The following DNAAF4 variants were observed in gnomAD, a reference collection of about 807,000 sequenced individuals.
DNAAF4 encodes dynein axonemal assembly factor 4, also known as dynein assembly factor 4, axonemal.
A neutral mutation model predicts 51.8 loss-of-function variants in DNAAF4; 43 were observed. The ratio of observed to expected loss-of-function variants is 0.83; its 90% CI spans 0.65 to 1.07. DNAAF4 has a LOEUF of 1.07. Ranked by LOEUF, DNAAF4 falls within the 50% of genes least tolerant of loss-of-function variation. The probability of loss-of-function intolerance (pLI) is 0.00; values close to 1 mark genes in which losing one functional copy is unlikely to be tolerated. For missense variants in DNAAF4, 581 were observed against 493.0 expected, an observed-to-expected ratio of 1.18 and a Z score of -1.69; for synonymous variants, 194 against 165.6, an observed-to-expected ratio of 1.17 and a Z score of -1.32.
At chr15:55,485,183 G>A (rs181948641) in intron 4 of DNAAF4, among the ~76,000 whole-genome samples, 60 of 152,228 alleles carry the variant, frequency 3.9e-4, no homozygotes, top group African/African-American at 1.4e-3. Context: ...CTCTAAGAAC[G>A]GGTTTATGGA....
rs762617036 is a variant in DNAAF4, at chr15:55,498,265, G to C, written c.65C>G (p.Pro22Arg). Residue 22 changes from proline to arginine, a missense_variant, in exon 2 of 10, where the codon CCC (proline) becomes CGC (arginine). Pro to Arg is a moderately radical substitution (Grantham distance 103). Coordinates refer to ENST00000321149, the MANE Select transcript of DNAAF4 (RefSeq NM_130810.4). ...GTCTCTGACGCACACGCCTTTGAGG[G>C]GCAGAGACAGAAAGACCGCAGTCTT... is the stretch of plus-strand genomic sequence containing the variant. Reference protein sequence around the residue: ...QTKTAVFLSLPLKGVCVRDTD... With the variant: ...QTKTAVFLSLRLKGVCVRDTD... The C allele has an allele frequency of 6.2e-7, 1 of 1,613,616 alleles. No individual in the cohort carries two copies. The highest frequency in any genetic ancestry group is 1.7e-5 in the Admixed American group (1 of 59,950).
chr15:55,503,521 C>T (rs976146185), intron 1 of DNAAF4, among the ~76,000 whole-genome samples: 1 of 152,066 alleles, frequency 6.6e-6, no homozygotes, highest in African/African-American at 2.4e-5. Flanking sequence ...TGCAAAAATC[C>T]TCAATAAAAT....
chr15:55,490,965 A>C (rs1161564168), intron 4 of DNAAF4, 158 bp downstream of exon 4: 7 of 795,034 alleles, frequency 8.8e-6, no homozygotes, highest in African/African-American at 3.5e-5. Flanking sequence ...AGAAAAAAAA[A>C]AACACACATA....
At chr15:55,480,085 G>C (rs1225279155) in intron 4 of DNAAF4, among the ~76,000 whole-genome samples, 1 of 151,944 alleles carries the variant, frequency 6.6e-6, no homozygotes, top group Non-Finnish European at 1.5e-5. Flanking sequence ...TAGTAGTTCT[G>C]CTTGTTGCCC....
intron 7 of DNAAF4, among the ~76,000 whole-genome samples, chr15:55,437,017 T>C (rs2057623528): frequency 1.3e-5 from 2 of 150,694 alleles, no homozygotes; most frequent in Non-Finnish European, 3.0e-5. Context: ...ACAGGGTTTC[T>C]CCTTGCTGTT....
intron 5 of DNAAF4, among the ~76,000 whole-genome samples, chr15:55,459,857 C>T (rs1434455548): frequency 6.6e-6 from 1 of 152,038 alleles, no homozygotes; most frequent in Admixed American, 6.6e-5. Flanking sequence ...GCACGCGCCA[C>T]CACGCCTGGC....
chr15:55,500,781 T>C (rs939654312), intron 1 of DNAAF4, among the ~76,000 whole-genome samples: 2 of 151,842 alleles, frequency 1.3e-5, no homozygotes, highest in Non-Finnish European at 2.9e-5. Flanking sequence ...TCACCTGAGG[T>C]TGGGAGTTCA....
chr15:55,498,283 G>A lies in DNAAF4; in HGVS notation c.47C>T (p.Ala16Val), dbSNP rs758416540. The change falls in exon 2 of 10, where the codon GCG (alanine) becomes GTG (valine). Residue 16 changes from alanine (A) to valine (V), a missense_variant. Transcript: ENST00000321149. ...SDYSWQQTKT[A>V]VFLSLPLKGV... ...TTTGAGGGGCAGAGACAGAAAGACC[G>A]CAGTCTTCGTCTGCTGCCAGCTGTA... 1.9e-6 allele frequency: 3 copies of A among 1,613,324 alleles called. No individual in the cohort carries two copies. Among genetic ancestry groups the A allele is most frequent in the East Asian group, 2.2e-5 (1 of 44,806 alleles).
In DNAAF4 at chr15:55,450,304, G is replaced by A; in HGVS notation, c.701C>T (p.Ser234Phe). The change falls in exon 6 of 10, where the codon TCT becomes TTT. Residue 234 changes from serine (S) to phenylalanine (F), a missense_variant. Coordinates refer to ENST00000321149, the MANE Select transcript of DNAAF4 (RefSeq NM_130810.4). ...LKEDSIPAPR[S>F]VGSIKINFTP... ...AAAGTTGATTTTAATACTGCCAACA[G>A]AGCGAGGAGCAGGAATACTGTCTTC... 1.9e-6 allele frequency: 3 copies of A among 1,614,008 alleles called. No homozygotes were observed. Among genetic ancestry groups the A allele is most frequent in the Non-Finnish European group, 2.5e-6 (3 of 1,180,002 alleles).
intron 4 of DNAAF4, among the ~76,000 whole-genome samples, chr15:55,489,933 G>A (rs975901227): frequency 3.3e-5 from 5 of 150,812 alleles, no homozygotes; most frequent in Non-Finnish European, 7.4e-5. Flanking sequence ...GAGTGCAGTG[G>A]CGCAATCTCC....
At chr15:55,433,923 T>TATATTATA (rs1241827945) in intron 8 of DNAAF4, among the ~76,000 whole-genome samples, 1 of 11,952 alleles carries the variant, frequency 8.4e-5, no homozygotes, top group African/African-American at 2.2e-4. Flanking sequence ...ATTATATATA[T>TATATTATA]TATATTATAT....
chr15:55,490,318 A>C (rs1198919784), intron 4 of DNAAF4, among the ~76,000 whole-genome samples: 1 of 152,090 alleles, frequency 6.6e-6, no homozygotes, highest in African/African-American at 2.4e-5. Context: ...GGGGTGATGA[A>C]AATGTTCTAA....
rs577281340 is a variant in DNAAF4 at position 55,433,212 on chromosome 15, A to T, written c.1048-610T>A. Among the ~76,000 whole-genome samples, 67 of 152,260 alleles carry T rather than the reference A, an allele frequency of 4.4e-4. No homozygotes were observed. In the South Asian group the frequency reaches 0.014, roughly 31 times the overall value. Reference sequence around the variant, plus strand: ...CTACTCAGGAGGCTGAGGCAGGAGAATCACTTGAATCCGGGAGGCAGGGGT... The same window carrying T: ...CTACTCAGGAGGCTGAGGCAGGAGATTCACTTGAATCCGGGAGGCAGGGGT... On this transcript the variant is annotated intron_variant, in intron 8 of 9. Coordinates refer to ENST00000321149, the MANE Select transcript of DNAAF4 (RefSeq NM_130810.4).
At chr15:55,432,638 T>TA in intron 8 of DNAAF4, 36 bp from the exon 9 acceptor site, 1 of 1,543,474 alleles carries the variant, frequency 6.5e-7, no homozygotes, top group Non-Finnish European at 8.9e-7. Flanking sequence ...AAGAAAGTTA[T>TA]AGTTTCTTAA....
intron 4 of DNAAF4, among the ~76,000 whole-genome samples, chr15:55,476,939 G>C (rs2058343123): frequency 1.3e-5 from 2 of 152,208 alleles, no homozygotes; most frequent in Non-Finnish European, 2.9e-5. Context: ...GGGAGGCCAA[G>C]GCGGGTGGAT....
At chr15:55,481,376 G>C (rs1405500819) in intron 4 of DNAAF4, among the ~76,000 whole-genome samples, 1 of 152,154 alleles carries the variant, frequency 6.6e-6, no homozygotes, top group African/African-American at 2.4e-5. Context: ...AGGATACTAA[G>C]CTGGGTTTCA....
At chr15:55,430,827 C>A (rs759189821) in intron 9 of DNAAF4, 48 bp from the exon 10 acceptor site, 1 of 1,410,810 alleles carries the variant, frequency 7.1e-7, no homozygotes, top group Non-Finnish European at 9.9e-7. Context: ...ATTTTATTAG[C>A]ACTTCTTTTA....
At chr15:55,493,811 C>T (rs573948389) in intron 3 of DNAAF4, among the ~76,000 whole-genome samples, 1 of 152,070 alleles carries the variant, frequency 6.6e-6, no homozygotes, top group African/African-American at 2.4e-5. Flanking sequence ...TCAAGTGATC[C>T]TCCAACCTCA....
intron 4 of DNAAF4, among the ~76,000 whole-genome samples, chr15:55,487,497 G>A (rs750663298): frequency 1.3e-4 from 20 of 151,936 alleles, no homozygotes; most frequent in African/African-American, 2.2e-4. Context: ...CAACTGGCTC[G>A]GGTCCCCTTC....
Sources: allele counts gnomAD v4.1 joint callset (sites outside exome capture counted in the v4.1 genomes callset), GRCh38; gene constraint gnomAD v4.1.1; transcripts MANE v1.5; gene names NCBI Gene and HGNC (gene_info 2026-07-23, HGNC 2026-07-21).